The following CACNA1I variants were observed in gnomAD, a reference collection of about 807,000 sequenced individuals.
CACNA1I encodes calcium voltage-gated channel subunit alpha1 I, also known as voltage-dependent T-type calcium channel subunit alpha-1I.
In CACNA1I, 74 loss-of-function variants were observed where a neutral mutation model predicts 201.6. The observed-to-expected ratio is 0.37, with a 90% CI of 0.30 to 0.45. The LOEUF (loss-of-function observed/expected upper bound fraction) is 0.45. Among genes scored for constraint, CACNA1I ranks in the 20% least tolerant of loss-of-function variants. The pLI is 1.00. For missense variants in CACNA1I, 2,346 were observed against 3,138.1 expected, an observed-to-expected ratio of 0.75 and a Z score of 6.03; for synonymous variants, 1,431 against 1,345.2, an observed-to-expected ratio of 1.06 and a Z score of -1.40.
intron 16 of CACNA1I, 54 bp from the exon 17 acceptor site, chr22:39,661,910 GC>G: frequency 1.6e-6 from 2 of 1,242,558 alleles, no homozygotes. Context: ...GGCACCTGGT[GC>G]CCCAGCCGTG....
intron 3 of CACNA1I, among the ~76,000 whole-genome samples, chr22:39,613,729 C>T (rs1011774410): frequency 5.9e-5 from 9 of 152,182 alleles, no homozygotes; most frequent in Admixed American, 1.3e-4. Flanking sequence ...GCTCCCGAGC[C>T]GGAGGCGCTG....
At chr22:39,623,869 G>A (rs1200359420) in intron 4 of CACNA1I, among the ~76,000 whole-genome samples, 4 of 148,394 alleles carry the variant, frequency 2.7e-5, no homozygotes, top group Non-Finnish European at 6.0e-5. Flanking sequence ...GGGTGTGCCT[G>A]TGAGGGTGTG....
chr22:39,662,335 A>G lies in CACNA1I; in HGVS notation c.3272A>G (p.His1091Arg). ...AWRAAGPAPG[H>R]EDCNGRMPSI... ...AGGGCGGCAGGCCCGGCCCCCGGGC[A>G]TGAGGACTGCAATGGCAGGATGCCC... is the stretch of plus-strand genomic sequence containing the variant. The change falls in exon 17 of 37, where the codon CAT becomes CGT. Residue 1091 changes from histidine to arginine, a missense_variant. Coordinates refer to ENST00000402142, the MANE Select transcript of CACNA1I (RefSeq NM_021096.4). The G allele has an allele frequency of 1.3e-6, 2 of 1,482,582 alleles. No individual in the cohort carries two copies. Among genetic ancestry groups the G allele is most frequent in the Non-Finnish European group, 1.8e-6 (2 of 1,124,782 alleles). The allele number at this position is 1,482,582 out of a possible 1,614,324, so 91.8% of individuals were successfully genotyped here. A position where few individuals can be genotyped will look rare whatever the true frequency, so the allele number is the denominator to read the frequency against.
In CACNA1I at chr22:39,676,559, A is replaced by G. The variant is rs1003330345; in HGVS notation, c.4855-782A>G. Among the ~76,000 whole-genome samples the G allele has an allele frequency of 3.9e-5, 6 of 152,204 alleles. No individual in the cohort carries two copies. Among genetic ancestry groups the G allele is most frequent in the Non-Finnish European group, 7.3e-5 (5 of 68,036 alleles). Reference sequence around the variant, plus strand: ...TAAAGGTGGTCTCCAATGCATGGATAGATTTGAACTAGGTTTGGAATCTGG... The same window carrying G: ...TAAAGGTGGTCTCCAATGCATGGATGGATTTGAACTAGGTTTGGAATCTGG... On this transcript the variant is annotated intron_variant, in intron 29 of 36. Transcript: ENST00000402142. This position sits in a 1 kb window ranked among gnomAD's most constrained non-coding sequence, Gnocchi z 4.8.
chr22:39,586,390 G>T lies in CACNA1I; in HGVS notation c.237-11761G>T, dbSNP rs6001627. On this transcript the variant is annotated intron_variant, in intron 1 of 36. Coordinates refer to ENST00000402142, the MANE Select transcript of CACNA1I (RefSeq NM_021096.4). Reference sequence around the variant, plus strand: ...GCCTGTAGTCCCAGACACTTGGGAAGTGGAGGCAGGAGAATCACTTGAACC... The same window carrying T: ...GCCTGTAGTCCCAGACACTTGGGAATTGGAGGCAGGAGAATCACTTGAACC... Among the ~76,000 whole-genome samples the T allele has an allele frequency of 3.2e-4, 48 of 152,312 alleles. 2 individuals carry two copies. The highest frequency in any genetic ancestry group is 1.1e-3 in the African/African-American group (44 of 41,544).
rs547185432 is a variant in CACNA1I at position 39,649,709 on chromosome 22, C to T, written c.1776C>T (p.Asp592=). ...SAGGEDEADG[D]GARSSEDGAS... ...GTGGCGAGGACGAGGCGGATGGGGACGGGGCCCGGAGCAGCGAGGACGGAG... is the reference window on the plus strand; with the variant it reads ...GTGGCGAGGACGAGGCGGATGGGGATGGGGCCCGGAGCAGCGAGGACGGAG... The change falls in exon 10 of 37, where the codon GAC becomes GAT. Residue 592 remains aspartate, a synonymous_variant. Coordinates refer to ENST00000402142, the MANE Select transcript of CACNA1I (RefSeq NM_021096.4). The surrounding 1 kb of genome is among the most constrained non-coding windows in gnomAD (Gnocchi z 7.3). 23 of 1,525,828 alleles carry T rather than the reference C, an allele frequency of 1.5e-5. No homozygotes were observed. Among genetic ancestry groups the T allele is most frequent in the Admixed American group, 2.0e-5 (1 of 49,792 alleles). The allele number at this position is 1,525,828 out of a possible 1,614,324, so 94.5% of individuals were successfully genotyped here. A position where few individuals can be genotyped will look rare whatever the true frequency, so the allele number is the denominator to read the frequency against.
chr22:39,584,368 G>A (rs923052951), intron 1 of CACNA1I, among the ~76,000 whole-genome samples: 2 of 152,166 alleles, frequency 1.3e-5, no homozygotes, highest in Admixed American at 1.3e-4. Flanking sequence ...TAGTGGTCTG[G>A]GAAGAATATG....
intron 3 of CACNA1I, among the ~76,000 whole-genome samples, chr22:39,610,067 A>T (rs1021087451): frequency 2.0e-5 from 3 of 151,938 alleles, no homozygotes; most frequent in African/African-American, 7.3e-5. Context: ...TTCCTGCACA[A>T]CTCTGTGTGC....
chr22:39,615,996 G>C (rs1933524033), intron 3 of CACNA1I, among the ~76,000 whole-genome samples: 2 of 152,180 alleles, frequency 1.3e-5, no homozygotes, highest in Non-Finnish European at 2.9e-5. Flanking sequence ...TTTCTTGGGG[G>C]AGCTTTTCAC....
intron 1 of CACNA1I, among the ~76,000 whole-genome samples, chr22:39,594,294 T>A (rs971960952): frequency 6.6e-6 from 1 of 151,398 alleles, no homozygotes; most frequent in African/African-American, 2.4e-5. Context: ...AAGTGCACTT[T>A]GAGCCTGAAA....
intron 5 of CACNA1I, 54 bp downstream of exon 5, chr22:39,634,778 G>A (rs1934161939): frequency 6.4e-7 from 1 of 1,551,248 alleles, no homozygotes; most frequent in Admixed American, 1.7e-5. Flanking sequence ...CTAAGACACA[G>A]TTTTAACCTT....
At chr22:39,647,738 G>A in intron 8 of CACNA1I, 84 bp from the exon 9 acceptor site, 1 of 961,400 alleles carries the variant, frequency 1.0e-6, no homozygotes, top group East Asian at 2.4e-5. Flanking sequence ...AGGCTTGGAA[G>A]GGGCTGCCCT....
intron 4 of CACNA1I, among the ~76,000 whole-genome samples, chr22:39,626,313 C>T (rs1407567687): frequency 3.9e-5 from 6 of 152,354 alleles, no homozygotes; most frequent in Non-Finnish European, 7.3e-5. Flanking sequence ...TGCACAGCCT[C>T]GTGTGCCTAC....
At chr22:39,630,644 C>T (rs150337902) in intron 4 of CACNA1I, among the ~76,000 whole-genome samples, 205 of 152,320 alleles carry the variant, frequency 1.3e-3, no homozygotes, top group Middle Eastern at 0.01. Flanking sequence ...GAGGCAGAGC[C>T]GGGAACTGGC....
Position 39,570,916 on chromosome 22 carries a change from C to A in CACNA1I, c.164C>A (p.Ala55Glu). ...CCTCATGTCCCACACCCAGACCTGG[C>A]GCCTATTGCCTTCTTCTGCCTGCGA... is the stretch of plus-strand genomic sequence containing the variant. ...ADPHVPHPDLAPIAFFCLRQT... is the reference protein window; with the variant it reads ...ADPHVPHPDLEPIAFFCLRQT... The change falls in exon 1 of 37, where the codon GCG (alanine) becomes GAG (glutamate). Residue 55 changes from alanine to glutamate, a missense_variant. Transcript: ENST00000402142. 1.9e-6 allele frequency: 3 copies of A among 1,613,814 alleles called. No individual in the cohort carries two copies. Among genetic ancestry groups the A allele is most frequent in the Non-Finnish European group, 2.5e-6 (3 of 1,179,854 alleles).
At chr22:39,652,703 A>G (rs983900574) in intron 10 of CACNA1I, among the ~76,000 whole-genome samples, 8 of 152,206 alleles carry the variant, frequency 5.3e-5, no homozygotes, top group Non-Finnish European at 1.0e-4. Context: ...CCAGCAGTTC[A>G]AGACCAGCCT....
intron 3 of CACNA1I, among the ~76,000 whole-genome samples, chr22:39,601,616 G>A (rs1443434078): frequency 3.3e-5 from 5 of 152,052 alleles, no homozygotes; most frequent in Non-Finnish European, 7.4e-5. Flanking sequence ...ATGTGTGTAT[G>A]TGTGTGACCT....
At position 39,619,400 on chromosome 22, in the gene CACNA1I, C is replaced by G; in HGVS notation, c.573C>G (p.Arg191=). The change falls in exon 4 of 37, where the codon CGC becomes CGG. Residue 191 remains arginine (R), a synonymous_variant. Transcript: ENST00000402142. ...RVLRPLKAIN[R]VPSMRILVNL... is the part of the protein sequence containing the mutation. ...TGAGGCCCCTCAAAGCCATCAACCG[C>G]GTGCCCAGTGAGTCAGCCCCGCCCT... 6.2e-6 allele frequency: 10 copies of G among 1,606,746 alleles called. No individual in the cohort carries two copies. Among genetic ancestry groups the G allele is most frequent in the Non-Finnish European group, 6.8e-6 (8 of 1,178,834 alleles).
At chr22:39,615,847 C>T (rs1482584237) in intron 3 of CACNA1I, among the ~76,000 whole-genome samples, 1 of 152,152 alleles carries the variant, frequency 6.6e-6, no homozygotes, top group Non-Finnish European at 1.5e-5. Context: ...AACATTTAAG[C>T]AAATGGATTC....
Sources: gnomAD v4.1 joint callset for allele counts (sites outside exome capture counted in the v4.1 genomes callset) on GRCh38, gnomAD v4.1.1 for gene constraint, Gnocchi (gnomAD v3.1) non-coding constraint, MANE v1.5 for transcripts, NCBI Gene and HGNC (gene_info 2026-07-23, HGNC 2026-07-21) for gene names.